RASGEF1C: variants seen among roughly 807,000 people sequenced by gnomAD.
RASGEF1C encodes ras-GEF domain-containing family member 1C.
A neutral mutation model predicts 58.1 loss-of-function variants in RASGEF1C; 27 were observed. The observed-to-expected ratio is 0.46, with a 90% CI of 0.34 to 0.64. The LOEUF is 0.64. Among genes scored for constraint, RASGEF1C ranks in the 30% least tolerant of loss-of-function variants. The probability of loss-of-function intolerance (pLI) is 0.01; values close to 1 mark genes in which losing one functional copy is unlikely to be tolerated. For synonymous variants in RASGEF1C, 243 were observed against 246.3 expected (o/e 0.99, Z 0.13); for missense variants, 502 against 605.1 (o/e 0.83, Z 1.79).
At chr5:180,181,927 G>GTGAGTGTTACA (rs1767337982) in intron 1 of RASGEF1C, among the ~76,000 whole-genome samples, 1 of 150,236 alleles carries the variant, frequency 6.7e-6, no homozygotes, top group Non-Finnish European at 1.5e-5. Flanking sequence ...CCATGGGCCG[G>GTGAGTGTTACA]GCGCAGTGGC....
intron 6 of RASGEF1C, 55 bp downstream of exon 6, chr5:180,127,554 G>T: frequency 6.6e-7 from 1 of 1,516,436 alleles, no homozygotes; most frequent in Non-Finnish European, 8.9e-7. Context: ...TCCCCGGAGA[G>T]CGGCCAGTCA....
chr5:180,178,369 T>A (rs1767266081), intron 1 of RASGEF1C, among the ~76,000 whole-genome samples: 1 of 137,834 alleles, frequency 7.3e-6, no homozygotes, highest in Non-Finnish European at 1.5e-5. Flanking sequence ...AGCCTTTGCC[T>A]CCTGGATTCA....
At chr5:180,173,512 G>T (rs1767146632) in intron 1 of RASGEF1C, among the ~76,000 whole-genome samples, 2 of 152,216 alleles carry the variant, frequency 1.3e-5, no homozygotes, top group African/African-American at 4.8e-5. Context: ...TCTAGCTGGA[G>T]ATGTATCTGT....
intron 13 of RASGEF1C, 56 bp downstream of exon 13, chr5:180,102,015 C>T (rs1377687831): frequency 3.6e-5 from 32 of 895,160 alleles, no homozygotes; most frequent in South Asian, 2.9e-4. Context: ...GAAGACTCAC[C>T]TTAGAGCTTT....
At chr5:180,199,544 C>T (rs535611491) in intron 1 of RASGEF1C, among the ~76,000 whole-genome samples, 41 of 152,334 alleles carry the variant, frequency 2.7e-4, no homozygotes, top group Non-Finnish European at 4.7e-4. Context: ...ACATCCACTG[C>T]ACGTAAAGCA....
intron 1 of RASGEF1C, among the ~76,000 whole-genome samples, chr5:180,182,229 AAAG>A (rs1767349964): frequency 1.3e-5 from 2 of 148,778 alleles, no homozygotes; most frequent in African/African-American, 2.5e-5. Flanking sequence ...AAAAAAAAAA[AAAG>A]AATGAAGCCA....
intron 1 of RASGEF1C, among the ~76,000 whole-genome samples, chr5:180,174,511 TGCGC>T (rs2113315029): frequency 6.7e-6 from 1 of 149,076 alleles, no homozygotes; most frequent in African/African-American, 2.5e-5. Flanking sequence ...TGTGTGTGCG[TGCGC>T]GTACACACGT....
chr5:180,162,842 C>A (rs1239373012), intron 1 of RASGEF1C, among the ~76,000 whole-genome samples: 1 of 152,146 alleles, frequency 6.6e-6, no homozygotes, highest in Non-Finnish European at 1.5e-5. Context: ...TACGTTGAGT[C>A]TTCCAATCCA....
At position 180,112,917 on chromosome 5, in the gene RASGEF1C, A is replaced by AAGGATGGACGGAGGGACCGAGGATGGACG. The variant is rs1561730770; in HGVS notation, c.1180-1338_1180-1337insCGTCCATCCTCGGTCCCTCCGTCCATCCT. ...ATGGACGGAGGGACCGTGGATGGAC[A>AAGGATGGACGGAGGGACCGAGGATGGACG]GAGGGATCCGGGATGGACGGAGGGA... is the stretch of plus-strand genomic sequence containing the variant. On this transcript the variant is annotated intron_variant, in intron 11 of 13. Transcript: ENST00000361132. Among the ~76,000 whole-genome samples, 8 of 37,354 alleles carry AAGGATGGACGGAGGGACCGAGGATGGACG rather than the reference A, an allele frequency of 2.1e-4. 3 individuals carry two copies. In the East Asian group the frequency reaches 7.4e-3, roughly 34 times the overall value. 24.5% of individuals were successfully genotyped at this position (37,354 alleles called of 152,430 possible). A position where few individuals can be genotyped will look rare whatever the true frequency, so the allele number is the denominator to read the frequency against.
At chr5:180,136,578 G>T in intron 3 of RASGEF1C, 63 bp from the exon 4 acceptor site, 1 of 1,504,128 alleles carries the variant, frequency 6.6e-7, no homozygotes, top group South Asian at 1.3e-5. Context: ...GAGCCTCACT[G>T]CGCGTCCTTG....
rs1452361319 is a variant in RASGEF1C, at chr5:180,177,379, G to T, written c.-7+31649C>A. ...TCGGCTCCATTTTTAACCTTCCTTAGTCCCAGCAGCCCCAGCAAAAGCTCT... is the reference window on the plus strand; with the variant it reads ...TCGGCTCCATTTTTAACCTTCCTTATTCCCAGCAGCCCCAGCAAAAGCTCT... On this transcript the variant is annotated intron_variant, in intron 1 of 13. Transcript: ENST00000361132. This position sits in a 1 kb window ranked among gnomAD's most constrained non-coding sequence, Gnocchi z 5.0. Among the ~76,000 whole-genome samples, 3 of 152,170 alleles carry T rather than the reference G, an allele frequency of 2.0e-5. No homozygotes were observed. Among genetic ancestry groups the T allele is most frequent in the African/African-American group, 4.8e-5 (2 of 41,436 alleles).
Position 180,103,276 on chromosome 5 carries a change from A to G in RASGEF1C, c.1304-1133T>C, listed in dbSNP as rs980227665. On this transcript the variant is annotated intron_variant, in intron 12 of 13. Transcript: ENST00000361132. ...GTATTTTTAGTAGAGATGGGGTTTC[A>G]CCGTGTTAGCCAGGATGGTCTCGAT... Among the ~76,000 whole-genome samples, 9 of 152,166 alleles carry G rather than the reference A, an allele frequency of 5.9e-5. No homozygotes were observed. In the South Asian group the frequency reaches 1.7e-3, roughly 28 times the overall value.
intron 6 of RASGEF1C, among the ~76,000 whole-genome samples, chr5:180,121,383 G>A (rs368797582): frequency 1.3e-5 from 2 of 151,042 alleles, no homozygotes; most frequent in African/African-American, 2.4e-5. Context: ...GCGCGATCTC[G>A]GCTCACTGCA....
rs958113294 is a variant in RASGEF1C, at chr5:180,155,965, C to G, written c.-6-17907G>C. Among the ~76,000 whole-genome samples, 1 of 152,146 alleles carries G rather than the reference C, an allele frequency of 6.6e-6. No individual in the cohort carries two copies. The highest frequency in any genetic ancestry group is 2.4e-5 in the African/African-American group (1 of 41,438). ...CCAGGTTATCCAATTAGAGCAAAGCCTGGGCTTTGCTTCGAGACAATTACT... is the reference window on the plus strand; with the variant it reads ...CCAGGTTATCCAATTAGAGCAAAGCGTGGGCTTTGCTTCGAGACAATTACT... On this transcript the variant is annotated intron_variant, in intron 1 of 13. Transcript: ENST00000361132. The surrounding 1 kb of genome is among the most constrained non-coding windows in gnomAD (Gnocchi z 5.2).
intron 1 of RASGEF1C, among the ~76,000 whole-genome samples, chr5:180,188,946 A>G (rs530161453): frequency 6.6e-6 from 1 of 152,346 alleles, no homozygotes; most frequent in Non-Finnish European, 1.5e-5. Flanking sequence ...GTCTAGTATA[A>G]TAAGACAAAA....
At chr5:180,199,985 G>A (rs1223041141) in intron 1 of RASGEF1C, among the ~76,000 whole-genome samples, 6 of 152,196 alleles carry the variant, frequency 3.9e-5, no homozygotes. Flanking sequence ...AATCGGGTCG[G>A]ACGTGGTGGC....
At chr5:180,178,998 G>A (rs888063222) in intron 1 of RASGEF1C, among the ~76,000 whole-genome samples, 3 of 152,116 alleles carry the variant, frequency 2.0e-5, no homozygotes, top group African/African-American at 4.8e-5. Context: ...GGAGGCCCCC[G>A]GCCATGGGGC....
In RASGEF1C at chr5:180,158,199, G is replaced by C. The variant is rs183679114; in HGVS notation, c.-6-20141C>G. Among the ~76,000 whole-genome samples the C allele has an allele frequency of 1.3e-5, 2 of 152,148 alleles. No homozygotes were observed. The highest frequency in any genetic ancestry group is 4.8e-5 in the African/African-American group (2 of 41,416). ...GATGATCATCTACTTCCTAGCTCAC[G>C]CTGCTGCAGTGGGGCTCAGTTGCCC... On this transcript the variant is annotated intron_variant, in intron 1 of 13. Transcript: ENST00000361132. The surrounding 1 kb of genome is among the most constrained non-coding windows in gnomAD (Gnocchi z 4.0).
intron 1 of RASGEF1C, among the ~76,000 whole-genome samples, chr5:180,174,500 CTGTG>C (rs944151115): frequency 9.5e-6 from 1 of 105,108 alleles, no homozygotes; most frequent in Admixed American, 9.8e-5. Flanking sequence ...GCGTGTGTGT[CTGTG>C]TGTGCGTGCG....
Sources: allele counts gnomAD v4.1 joint callset (sites outside exome capture counted in the v4.1 genomes callset), GRCh38; gene constraint gnomAD v4.1.1; non-coding constraint Gnocchi (gnomAD v3.1); transcripts MANE v1.5; gene names NCBI Gene and HGNC (gene_info 2026-07-23, HGNC 2026-07-21).